Variants in PAK5 observed in about 807,000 individuals in gnomAD.
PAK5 encodes the protein serine/threonine-protein kinase PAK 5.
A neutral mutation model predicts 65.9 loss-of-function variants in PAK5; 16 were observed. That is an observed-to-expected ratio of 0.24 (90% CI 0.16 to 0.37). The LOEUF (loss-of-function observed/expected upper bound fraction) is 0.37, where lower values mean the gene tolerates loss of function less well. Among genes scored for constraint, PAK5 ranks in the 10% least tolerant of loss-of-function variants. The pLI is 1.00. For missense variants in PAK5, 785 were observed against 903.9 expected, an observed-to-expected ratio of 0.87 and a Z score of 1.69; for synonymous variants, 371 against 354.9, an observed-to-expected ratio of 1.05 and a Z score of -0.51.
chr20:9,644,668 T>C (rs1004083073), intron 2 of PAK5, among the ~76,000 whole-genome samples: 1 of 152,194 alleles, frequency 6.6e-6, no homozygotes, highest in Non-Finnish European at 1.5e-5. Flanking sequence ...TGTTTCCACT[T>C]TTTCCTTGTG....
chr20:9,725,585 G>C (rs958954952), intron 1 of PAK5, among the ~76,000 whole-genome samples: 2 of 152,118 alleles, frequency 1.3e-5, no homozygotes, highest in Admixed American at 6.5e-5. Context: ...TTGAATAGAA[G>C]TAATGTTTTG....
chr20:9,699,828 A>C (rs1294452241), intron 2 of PAK5, among the ~76,000 whole-genome samples: 1 of 152,108 alleles, frequency 6.6e-6, no homozygotes, highest in East Asian at 1.9e-4. Flanking sequence ...GAGATGTCTC[A>C]GTTGGTGAAG....
intron 1 of PAK5, among the ~76,000 whole-genome samples, chr20:9,744,166 A>G (rs536486180): frequency 6.6e-6 from 1 of 152,306 alleles, no homozygotes; most frequent in South Asian, 2.1e-4. Flanking sequence ...TAGGTCATTG[A>G]TAATAACTTC....
At chr20:9,700,192 G>T (rs1323223125) in intron 2 of PAK5, among the ~76,000 whole-genome samples, 1 of 152,064 alleles carries the variant, frequency 6.6e-6, no homozygotes, top group Non-Finnish European at 1.5e-5. Context: ...TGGGAGGACA[G>T]CTTGAGCCCA....
chr20:9,743,244 C>T (rs1481107806), intron 1 of PAK5, among the ~76,000 whole-genome samples: 2 of 152,020 alleles, frequency 1.3e-5, no homozygotes, highest in Non-Finnish European at 2.9e-5. Context: ...GTCTTGAACA[C>T]CTGTAGCCCA....
intron 3 of PAK5, among the ~76,000 whole-genome samples, chr20:9,603,792 C>T (rs1262221786): frequency 2.6e-5 from 4 of 152,136 alleles, no homozygotes; most frequent in African/African-American, 9.7e-5. Context: ...GAGATTTGCA[C>T]TATTATCCCC....
chr20:9,579,205 T>C (rs2045937289), intron 4 of PAK5, among the ~76,000 whole-genome samples: 1 of 152,212 alleles, frequency 6.6e-6, no homozygotes, highest in African/African-American at 2.4e-5. Flanking sequence ...ATGACTGCCC[T>C]GTGAGAAGTC....
intron 1 of PAK5, among the ~76,000 whole-genome samples, chr20:9,833,286 A>C (rs1216844408): frequency 6.6e-6 from 1 of 152,148 alleles, no homozygotes; most frequent in Non-Finnish European, 1.5e-5. Flanking sequence ...ATCTGTTTCC[A>C]GGCTCTTCTA....
Position 9,580,236 on chromosome 20 carries a change from C to G in PAK5, c.899G>C (p.Gly300Ala), listed in dbSNP as rs2045953175. The G allele has an allele frequency of 1.2e-6, 2 of 1,614,122 alleles. No homozygotes were observed. Among genetic ancestry groups the G allele is most frequent in the Non-Finnish European group, 1.7e-6 (2 of 1,180,014 alleles). The change falls in exon 4 of 10, where the codon GGA becomes GCA. Residue 300 changes from glycine to alanine, a missense_variant. By Grantham distance (60) the Gly-to-Ala change is moderately conservative. Around this residue, in one of 4 missense-constraint regions of PAK5, gnomAD observed 422 missense variants for 413.3 expected, o/e 1.02. Coordinates refer to ENST00000353224, the MANE Select transcript of PAK5 (RefSeq NM_177990.4). The part of the protein sequence containing the change: ...SGLQEPMMPF[G>A]ASAFKTHPQG... ...GGGATGGGTTTTAAATGCACTTGCTCCAAATGGCATCATCGGTTCCTGGAG... is the reference window on the plus strand; with the variant it reads ...GGGATGGGTTTTAAATGCACTTGCTGCAAATGGCATCATCGGTTCCTGGAG...
chr20:9,620,283 CT>C (rs1429363267), intron 3 of PAK5, among the ~76,000 whole-genome samples: 1 of 151,724 alleles, frequency 6.6e-6, no homozygotes, highest in Non-Finnish European at 1.5e-5. Flanking sequence ...CAGCACTGGG[CT>C]TGGTATTTGG....
At chr20:9,592,066 A>G (rs1270225623) in intron 3 of PAK5, among the ~76,000 whole-genome samples, 1 of 152,206 alleles carries the variant, frequency 6.6e-6, no homozygotes, top group African/African-American at 2.4e-5. Context: ...AAAATAGAAG[A>G]GAAAAGTTGC....
chr20:9,802,910 G>GTGTGTGTATA (rs142279832), intron 1 of PAK5, among the ~76,000 whole-genome samples: 3 of 46,378 alleles, frequency 6.5e-5, no homozygotes, highest in African/African-American at 2.4e-4. Flanking sequence ...ATATGTATGT[G>GTGTGTGTATA]TATATATATA....
At chr20:9,593,146 A>C (rs546411743) in intron 3 of PAK5, among the ~76,000 whole-genome samples, 14 of 149,120 alleles carry the variant, frequency 9.4e-5, no homozygotes, top group Non-Finnish European at 1.5e-4. Flanking sequence ...TTCTACAAAG[A>C]AAAAAAAAAT....
At position 9,771,582 on chromosome 20, in the gene PAK5, A is replaced by ATTTTTTTTTTTTTTTTTTTTTT. The variant is rs545140358; in HGVS notation, c.-161-60148_-161-60147insAAAAAAAAAAAAAAAAAAAAAA. ...GCCACCACATTCAGTCAATTTTTTAATTTTTTTTTTTTTTTTTTGTAGAAA... is the reference window on the plus strand; with the variant it reads ...GCCACCACATTCAGTCAATTTTTTAATTTTTTTTTTTTTTTTTTTTTTTTTTTTTTTTTTTTTTTTGTAGAAA... On this transcript the variant is annotated intron_variant, in intron 1 of 9. Transcript: ENST00000353224. Among the ~76,000 whole-genome samples the ATTTTTTTTTTTTTTTTTTTTTT allele has an allele frequency of 1.1e-3, 118 of 109,722 alleles. 3 individuals are homozygous for ATTTTTTTTTTTTTTTTTTTTTT. The highest frequency in any genetic ancestry group is 4.7e-3 in the Middle Eastern group (1 of 214). 72.0% of individuals were successfully genotyped at this position (109,722 alleles called of 152,430 possible). A position where few individuals can be genotyped will look rare whatever the true frequency, so the allele number is the denominator to read the frequency against.
intron 1 of PAK5, among the ~76,000 whole-genome samples, chr20:9,827,796 C>A (rs1978383540): frequency 6.7e-6 from 1 of 148,804 alleles, no homozygotes; most frequent in Admixed American, 6.7e-5. Flanking sequence ...GGGAAGGGGG[C>A]ACATGCAAAA....
chr20:9,757,832 A>G (rs2048652866), intron 1 of PAK5, among the ~76,000 whole-genome samples: 1 of 152,172 alleles, frequency 6.6e-6, no homozygotes, highest in Admixed American at 6.6e-5. Context: ...ATACTTTGAT[A>G]GTAGTAGAAT....
At chr20:9,761,872 TA>T (rs902397343) in intron 1 of PAK5, among the ~76,000 whole-genome samples, 2 of 152,074 alleles carry the variant, frequency 1.3e-5, no homozygotes, top group African/African-American at 2.4e-5. Flanking sequence ...AGTAGCCATA[TA>T]AAAAATTGTT....
chr20:9,698,049 T>C (rs2047892266), intron 2 of PAK5, among the ~76,000 whole-genome samples: 1 of 152,074 alleles, frequency 6.6e-6, no homozygotes, highest in Admixed American at 6.6e-5. Context: ...GATACTATCT[T>C]TACTTATTTA....
At chr20:9,811,351 C>T (rs2123755422) in intron 1 of PAK5, among the ~76,000 whole-genome samples, 1 of 152,282 alleles carries the variant, frequency 6.6e-6, no homozygotes, top group African/African-American at 2.4e-5. Context: ...CTCTCTCTCT[C>T]CCCCACCCCA....
Sources: allele counts gnomAD v4.1 joint callset (sites outside exome capture counted in the v4.1 genomes callset), GRCh38; gene constraint gnomAD v4.1.1; regional missense constraint gnomAD v4.1.1; transcripts MANE v1.5; gene names NCBI Gene and HGNC (gene_info 2026-07-23, HGNC 2026-07-21).